Variants in TRDN observed in about 807,000 individuals in gnomAD.
TRDN encodes the protein triadin in skeletal muscle.
In TRDN, 161 loss-of-function variants were observed where a neutral mutation model predicts 149.7. The observed-to-expected ratio is 1.08, with a 90% CI of 0.95 to 1.23. The LOEUF (loss-of-function observed/expected upper bound fraction) is 1.23, where lower values mean the gene tolerates loss of function less well. TRDN is among the 50% of genes most tolerant of loss of function. The pLI is 0.00. For synonymous variants in TRDN, 294 were observed against 250.5 expected, an observed-to-expected ratio of 1.17 and a Z score of -1.64; for missense variants, 896 against 823.5, an observed-to-expected ratio of 1.09 and a Z score of -1.08.
intron 38 of TRDN, among the ~76,000 whole-genome samples, chr6:123,230,907 T>A (rs1775575390): frequency 6.6e-6 from 1 of 152,080 alleles, no homozygotes; most frequent in Non-Finnish European, 1.5e-5. Context: ...GATATTTTTC[T>A]GTGCCAGGTA....
At chr6:123,367,043 A>C (rs1320351235) in intron 19 of TRDN, among the ~76,000 whole-genome samples, 2 of 152,188 alleles carry the variant, frequency 1.3e-5, no homozygotes, top group African/African-American at 4.8e-5. Context: ...AAGAGAATAA[A>C]ATGACAAAAA....
At chr6:123,497,115 A>T (rs1233235570) in intron 9 of TRDN, 78 bp downstream of exon 9, 12 of 1,112,330 alleles carry the variant, frequency 1.1e-5, no homozygotes, top group African/African-American at 6.6e-5. Flanking sequence ...ATGAAAATAC[A>T]GTTAGGTACA....
intron 38 of TRDN, among the ~76,000 whole-genome samples, chr6:123,236,698 C>T (rs73771546): frequency 0.052 from 7,852 of 152,190 alleles, 585 homozygotes; most frequent in African/African-American, 0.18. Context: ...AAAAAGTCTA[C>T]TTATTCTCCA....
chr6:123,534,871 T>C (rs1780445174), intron 4 of TRDN, among the ~76,000 whole-genome samples: 1 of 152,148 alleles, frequency 6.6e-6, no homozygotes, highest in Non-Finnish European at 1.5e-5. Context: ...TACTTAAACC[T>C]GAACCAAACC....
intron 38 of TRDN, among the ~76,000 whole-genome samples, chr6:123,226,917 CT>C (rs936457649): frequency 1.3e-5 from 2 of 151,524 alleles, no homozygotes; most frequent in Non-Finnish European, 2.9e-5. Context: ...TGAAATGGGA[CT>C]TATAATATTT....
In TRDN at chr6:123,252,423, G is replaced by T. The variant is rs746430238; in HGVS notation, c.1964C>A (p.Ala655Glu). The T allele has an allele frequency of 7.9e-6, 12 of 1,519,796 alleles. No homozygotes were observed. The highest frequency in any genetic ancestry group is 3.6e-5 in the Admixed American group (2 of 55,032). The allele number at this position is 1,519,796 out of a possible 1,614,324, so 94.1% of individuals were successfully genotyped here. ...CAAACCGTACTTACTTGATACTCTT[G>T]CAGGTTTTTCTGCTAAAAAGAGAAA... is the stretch of plus-strand genomic sequence containing the variant. Reference protein sequence around the residue: ...LHNVTKAEKPARVSKDVEDVP... With the variant: ...LHNVTKAEKPERVSKDVEDVP... Residue 655 changes from alanine (A) to glutamate (E), a missense_variant, in exon 38 of 41, where the codon GCA (alanine) becomes GAA (glutamate). Transcript: ENST00000334268.
At chr6:123,302,243 C>T (rs904815950) in intron 24 of TRDN, among the ~76,000 whole-genome samples, 12 of 151,922 alleles carry the variant, frequency 7.9e-5, no homozygotes, top group Non-Finnish European at 1.8e-4. Context: ...AGTATCGATG[C>T]ATACTGTTTT....
At chr6:123,515,597 C>A (rs182432512) in intron 6 of TRDN, among the ~76,000 whole-genome samples, 1 of 151,494 alleles carries the variant, frequency 6.6e-6, no homozygotes, top group African/African-American at 2.4e-5. Context: ...TACAATAAAG[C>A]TCTGGAAGGA....
At chr6:123,540,611 C>G (rs12207139) in intron 4 of TRDN, among the ~76,000 whole-genome samples, 75,982 of 152,096 alleles carry the variant, frequency 0.5, 19,768 homozygotes, top group African/African-American at 0.53. Context: ...GCTCCGCCTC[C>G]TGGCTTCACG....
intron 12 of TRDN, among the ~76,000 whole-genome samples, chr6:123,407,481 C>G (rs1773243848): frequency 6.6e-6 from 1 of 152,052 alleles, no homozygotes; most frequent in East Asian, 1.9e-4. Flanking sequence ...AGTGCTTCAC[C>G]AGGACTTTCT....
intron 24 of TRDN, among the ~76,000 whole-genome samples, chr6:123,280,500 T>C (rs1777541984): frequency 2.0e-5 from 3 of 152,096 alleles, no homozygotes; most frequent in African/African-American, 7.2e-5. Context: ...TTGCATTGAC[T>C]CTATAGGTCA....
chr6:123,268,148 C>G (rs940571075), intron 31 of TRDN, among the ~76,000 whole-genome samples: 2 of 151,810 alleles, frequency 1.3e-5, no homozygotes, highest in Non-Finnish European at 2.9e-5. Flanking sequence ...CTTTTTTCCT[C>G]TTTGAATCCT....
chr6:123,367,723 G>C lies in TRDN; in HGVS notation c.1274-1541C>G, dbSNP rs570699939. Among the ~76,000 whole-genome samples, 3 of 152,274 alleles carry C rather than the reference G, an allele frequency of 2.0e-5. No individual in the cohort carries two copies. The East Asian group carries it at 5.8e-4, about 29-fold the overall frequency. ...ATTGAAACAGATGCTGAGCGCAAAA[G>C]GTCTGATTCAGTATGTCGGAGGCAT... is the stretch of plus-strand genomic sequence containing the variant. On this transcript the variant is annotated intron_variant, in intron 19 of 40. Transcript: ENST00000334268.
chr6:123,280,462 A>G (rs1777541096), intron 24 of TRDN, among the ~76,000 whole-genome samples: 1 of 152,130 alleles, frequency 6.6e-6, no homozygotes, highest in Admixed American at 6.6e-5. Context: ...CAACACACAC[A>G]AAATAATTTT....
At chr6:123,288,507 G>T (rs1240414523) in intron 24 of TRDN, among the ~76,000 whole-genome samples, 1 of 152,038 alleles carries the variant, frequency 6.6e-6, no homozygotes, top group Admixed American at 6.6e-5. Flanking sequence ...AAAGCAAAGA[G>T]ATTTGAGGAC....
chr6:123,456,831 C>T (rs774167950), intron 10 of TRDN: 19 of 455,810 alleles, frequency 4.2e-5, no homozygotes, highest in Non-Finnish European at 7.5e-5. Flanking sequence ...GAAGATGCAG[C>T]CACTTTTCTC....
At chr6:123,380,540 A>C (rs748786046) in intron 16 of TRDN, among the ~76,000 whole-genome samples, 2 of 152,172 alleles carry the variant, frequency 1.3e-5, no homozygotes, top group African/African-American at 2.4e-5. Context: ...AGGGCATTTT[A>C]GAGCATTTTT....
intron 1 of TRDN, among the ~76,000 whole-genome samples, chr6:123,592,636 G>C (rs927944718): frequency 7.2e-5 from 11 of 152,186 alleles, no homozygotes; most frequent in African/African-American, 2.2e-4. Context: ...ACTCAAAGCA[G>C]TAATTTCTGT....
intron 1 of TRDN, among the ~76,000 whole-genome samples, chr6:123,584,478 C>T (rs538551580): frequency 1.2e-4 from 18 of 151,766 alleles, no homozygotes; most frequent in East Asian, 5.8e-4. Context: ...GAATTCTGAC[C>T]GCACTAACCA....
Sources: allele counts gnomAD v4.1 joint callset (sites outside exome capture counted in the v4.1 genomes callset), GRCh38; gene constraint gnomAD v4.1.1; transcripts MANE v1.5; gene names NCBI Gene and HGNC (gene_info 2026-07-23, HGNC 2026-07-21).